Variants in XRCC2 observed in about 807,000 individuals in gnomAD.
XRCC2 encodes X-ray repair cross complementing 2.
XRCC2 carries 24 observed loss-of-function variants against 27.3 expected under a neutral mutation model. The observed-to-expected ratio is 0.88, with a 90% CI of 0.64 to 1.24. The LOEUF is 1.24. Among genes scored for constraint, XRCC2 ranks in the 50% most tolerant of loss-of-function variants. The pLI is 0.00. For synonymous variants in XRCC2, 106 were observed against 115.4 expected (o/e 0.92, Z 0.52); for missense variants, 321 against 325.8 (o/e 0.99, Z 0.11).
chr7:152,654,363 C>A (rs956848567), intron 2 of XRCC2, among the ~76,000 whole-genome samples: 2 of 151,898 alleles, frequency 1.3e-5, no homozygotes, highest in Non-Finnish European at 2.9e-5. Flanking sequence ...TGAGATATAT[C>A]CACAGTTAGA....
At chr7:152,672,740 A>G (rs989084494) in intron 1 of XRCC2, among the ~76,000 whole-genome samples, 3 of 152,214 alleles carry the variant, frequency 2.0e-5, no homozygotes, top group East Asian at 3.8e-4. Context: ...CTTCAGTGCT[A>G]TTGGAATTTT....
chr7:152,667,279 T>C (rs1443515344), intron 1 of XRCC2, among the ~76,000 whole-genome samples: 2 of 151,654 alleles, frequency 1.3e-5, no homozygotes, highest in African/African-American at 2.4e-5. Flanking sequence ...TGGTGGCACA[T>C]GCCTGTAATC....
In XRCC2 at chr7:152,649,030, GA is replaced by G. The variant is rs1426977798; in HGVS notation, c.454del (p.Ser152GlnfsTer6). On this transcript the variant is annotated frameshift_variant, in exon 3 of 3. Coordinates refer to ENST00000359321, the MANE Select transcript of XRCC2 (RefSeq NM_005431.2). LOFTEE classifies it high-confidence loss of function. ...SLCLLILDSL[S>X]AFYWIDRVNG... ...GACGCGGTCTATCCAGTAAAAAGCT[GA>G]CAGGCTATCCAAAATCAAAAGGCAG... 6.2e-7 allele frequency: 1 copy of G among 1,614,142 alleles called. No homozygotes were observed.
intron 2 of XRCC2, among the ~76,000 whole-genome samples, chr7:152,655,172 G>A (rs2098030206): frequency 1.3e-5 from 2 of 152,152 alleles, no homozygotes; most frequent in Admixed American, 6.5e-5. Flanking sequence ...GGCCTTGACA[G>A]TTCCTCTTAC....
chr7:152,669,478 G>A (rs1056294898), intron 1 of XRCC2, among the ~76,000 whole-genome samples: 3 of 151,916 alleles, frequency 2.0e-5, no homozygotes, highest in African/African-American at 7.3e-5. Context: ...GCACAATCTC[G>A]GCTCACTGCA....
chr7:152,670,594 T>C (rs3218407), intron 1 of XRCC2, among the ~76,000 whole-genome samples: 1,525 of 151,348 alleles, frequency 0.01, 17 homozygotes, highest in African/African-American at 0.022. Context: ...GTAGAATACA[T>C]ATTATATAGG....
chr7:152,649,458 T>C, intron 2 of XRCC2, 95 bp from the exon 3 acceptor site: 1 of 1,410,864 alleles, frequency 7.1e-7, no homozygotes, highest in Non-Finnish European at 9.4e-7. Context: ...AGACACTTAC[T>C]GGAATGTGAA....
At chr7:152,665,793 A>AT (rs3218441) in intron 1 of XRCC2, among the ~76,000 whole-genome samples, 57,645 of 151,884 alleles carry the variant, frequency 0.38, 12,588 homozygotes, top group Non-Finnish European at 0.47. Flanking sequence ...AGGTCTTAAG[A>AT]TTTTATATCC....
intron 2 of XRCC2, among the ~76,000 whole-genome samples, chr7:152,660,264 C>T (rs922026000): frequency 2.0e-5 from 3 of 152,048 alleles, no homozygotes; most frequent in Admixed American, 6.6e-5. Context: ...CTGCACACTT[C>T]GGTGGGTGAA....
chr7:152,653,109 T>C (rs1044712822), intron 2 of XRCC2, among the ~76,000 whole-genome samples: 6 of 152,140 alleles, frequency 3.9e-5, no homozygotes, highest in African/African-American at 1.4e-4. Context: ...GTGGGGGTAA[T>C]TGAATCATGG....
chr7:152,651,499 G>C (rs900042212), intron 2 of XRCC2, among the ~76,000 whole-genome samples: 1 of 151,676 alleles, frequency 6.6e-6, no homozygotes, highest in Non-Finnish European at 1.5e-5. Context: ...AGCTGAGGTT[G>C]GAGAATCAGT....
At chr7:152,650,755 G>C (rs575263121) in intron 2 of XRCC2, among the ~76,000 whole-genome samples, 54 of 151,952 alleles carry the variant, frequency 3.6e-4, no homozygotes, top group African/African-American at 1.3e-3. Context: ...GCATGGTGGT[G>C]GGCACCTGTA....
intron 1 of XRCC2, among the ~76,000 whole-genome samples, chr7:152,665,487 CTTTTTTTTTTTTTT>C (rs66692067): frequency 1.2e-5 from 1 of 84,328 alleles, no homozygotes; most frequent in Non-Finnish European, 2.2e-5. Context: ...TAAGACAAAC[CTTTTTTTTTTTTTT>C]TTTTTTTTTA....
rs186663219 is a variant in XRCC2, at chr7:152,657,252, A to G, written c.121+3449T>C. ...CTCCATCTAAAAAAAAAAAAAAGAT[A>G]GTATAAACGTGTTTTTGTATTTGTA... On this transcript the variant is annotated intron_variant, in intron 2 of 2. Transcript: ENST00000359321. Among the ~76,000 whole-genome samples the G allele has an allele frequency of 1.9e-3, 275 of 148,482 alleles. 3 individuals carry two copies. The highest frequency in any genetic ancestry group is 5.5e-3 in the African/African-American group (223 of 40,502).
At position 152,644,953 on chromosome 7, in the gene XRCC2, T is replaced by TGATGATTCA. The variant is rs562572414; in HGVS notation, c.*3680_*3688dup. The TGATGATTCA allele has an allele frequency of 6.6e-6, 1 of 152,234 alleles. No individual in the cohort carries two copies. The highest frequency in any genetic ancestry group is 2.4e-5 in the African/African-American group (1 of 41,470). The allele number at this position is 152,234 out of a possible 1,614,324, so 9.4% of individuals were successfully genotyped here. The stretch of plus-strand genomic sequence containing the variant: ...CCGATTTTTCTGAAAGAGATGATTC[T>TGATGATTCA]GATGATTCAGATGATTCTGATGTTA... On this transcript the variant is annotated 3_prime_UTR_variant, in exon 3 of 3. Coordinates refer to ENST00000359321, the MANE Select transcript of XRCC2 (RefSeq NM_005431.2).
rs924081726 is a variant in XRCC2, at chr7:152,644,802, G to A, written c.*3840C>T. 6.6e-6 allele frequency: 1 copy of A among 152,150 alleles called. No homozygotes were observed. The highest frequency in any genetic ancestry group is 1.5e-5 in the Non-Finnish European group (1 of 68,042). 9.4% of individuals were successfully genotyped at this position (152,150 alleles called of 1,614,324 possible). On this transcript the variant is annotated 3_prime_UTR_variant, in exon 3 of 3. Transcript: ENST00000359321. ...TTATAGCATTCTGTCTTTAGTAGTG[G>A]TATTTCCATTTACAAAACATAGTAA... is the stretch of plus-strand genomic sequence containing the variant.
At chr7:152,665,187 G>A (rs746507071) in intron 1 of XRCC2, among the ~76,000 whole-genome samples, 14 of 152,224 alleles carry the variant, frequency 9.2e-5, no homozygotes, top group Non-Finnish European at 1.9e-4. Flanking sequence ...CCAAGTGAAC[G>A]TTACTTCAAA....
chr7:152,660,754 G>A lies in XRCC2; in HGVS notation c.68C>T (p.Ser23Phe), dbSNP rs1388202730. Residue 23 changes from serine (S) to phenylalanine (F), a missense_variant, in exon 2 of 3, where the codon TCC becomes TTC. Transcript: ENST00000359321. The stretch of plus-strand genomic sequence containing the variant: ...CAGATTTGGTTCTATTTCTTTCAAG[G>A]AACTTCTACCTTCAAGTCGGGCAAG... ...ELLARLEGRS[S>F]LKEIEPNLFA... is the part of the protein sequence containing the mutation. The A allele has an allele frequency of 6.2e-7, 1 of 1,613,194 alleles. No homozygotes were observed. The highest frequency in any genetic ancestry group is 8.5e-7 in the Non-Finnish European group (1 of 1,179,744).
In XRCC2 at chr7:152,646,324, G is replaced by A. The variant is rs1246359850; in HGVS notation, c.*2318C>T. Reference sequence around the variant, plus strand: ...AGGGTGTGTGTGTGTGTGTGTGTGTGTGTTGTTCCCTTCTTTGTATCCAGG... The same window carrying A: ...AGGGTGTGTGTGTGTGTGTGTGTGTATGTTGTTCCCTTCTTTGTATCCAGG... On this transcript the variant is annotated 3_prime_UTR_variant, in exon 3 of 3. Coordinates refer to ENST00000359321, the MANE Select transcript of XRCC2 (RefSeq NM_005431.2). The A allele has an allele frequency of 7.4e-6, 1 of 135,352 alleles. No individual in the cohort carries two copies. Among genetic ancestry groups the A allele is most frequent in the Non-Finnish European group, 1.6e-5 (1 of 61,236 alleles). The allele number at this position is 135,352 out of a possible 1,614,324, so 8.4% of individuals were successfully genotyped here. A position where few individuals can be genotyped will look rare whatever the true frequency, so the allele number is the denominator to read the frequency against.
Sources: allele counts gnomAD v4.1 joint callset (sites outside exome capture counted in the v4.1 genomes callset), GRCh38; gene constraint gnomAD v4.1.1; transcripts MANE v1.5; gene names NCBI Gene and HGNC (gene_info 2026-07-23, HGNC 2026-07-21).